KIAA1549L: variants seen among roughly 807,000 people sequenced by gnomAD.
KIAA1549L encodes the protein KIAA1549 like.
In KIAA1549L, 88 loss-of-function variants were observed where a neutral mutation model predicts 160.7. The ratio of observed to expected loss-of-function variants is 0.55; its 90% CI spans 0.46 to 0.65. KIAA1549L has a LOEUF of 0.65. KIAA1549L is among the 30% of genes least tolerant of loss of function. The pLI is 0.00. For synonymous variants in KIAA1549L, 950 were observed against 976.7 expected, an observed-to-expected ratio of 0.97 and a Z score of 0.51; for missense variants, 2,258 against 2,437.5, an observed-to-expected ratio of 0.93 and a Z score of 1.55.
chr11:33,379,299 G>A (rs552859422), intron 1 of KIAA1549L, among the ~76,000 whole-genome samples: 34 of 152,134 alleles, frequency 2.2e-4, no homozygotes, highest in African/African-American at 7.9e-4. Context: ...CCCCACCCCA[G>A]CCTCTTTTGC....
At chr11:33,485,958 C>T (rs576859953) in intron 1 of KIAA1549L, among the ~76,000 whole-genome samples, 1 of 152,246 alleles carries the variant, frequency 6.6e-6, no homozygotes, top group East Asian at 1.9e-4. Context: ...ACAGGATTTC[C>T]ATTTTTAAGG....
chr11:33,572,646 T>A (rs1855302455), intron 9 of KIAA1549L, among the ~76,000 whole-genome samples: 1 of 152,226 alleles, frequency 6.6e-6, no homozygotes, highest in Non-Finnish European at 1.5e-5. Flanking sequence ...TTTATTCAAT[T>A]TTTTTGCTGA....
chr11:33,667,846 G>A, intron 20 of KIAA1549L, 27 bp from the exon 21 acceptor site: 1 of 1,589,296 alleles, frequency 6.3e-7, no homozygotes, highest in Non-Finnish European at 8.6e-7. Context: ...GCCAGGCCCT[G>A]TCCTTCTCTC....
intron 12 of KIAA1549L, among the ~76,000 whole-genome samples, chr11:33,592,910 G>A (rs555538206): frequency 2.0e-5 from 3 of 152,276 alleles, no homozygotes; most frequent in East Asian, 1.9e-4. Flanking sequence ...TTTGTGCATC[G>A]CCCAGAGGAG....
At chr11:33,605,108 T>C (rs901675425) in intron 13 of KIAA1549L, among the ~76,000 whole-genome samples, 4 of 152,208 alleles carry the variant, frequency 2.6e-5, no homozygotes, top group Non-Finnish European at 5.9e-5. Context: ...TGGCTTTCTT[T>C]AGAGTAAGTG....
chr11:33,534,469 A>G (rs1017354120), intron 1 of KIAA1549L, among the ~76,000 whole-genome samples: 5 of 152,174 alleles, frequency 3.3e-5, no homozygotes, highest in African/African-American at 1.2e-4. Flanking sequence ...TCTAAGTAGA[A>G]GAAAGTCATG....
chr11:33,392,789 C>T (rs10836058), intron 1 of KIAA1549L, among the ~76,000 whole-genome samples: 32,444 of 152,126 alleles, frequency 0.21, 5,210 homozygotes, highest in African/African-American at 0.44. Flanking sequence ...GTGTCTTGAA[C>T]TCCCGGGCTC....
At chr11:33,558,055 G>A (rs1305188473) in intron 6 of KIAA1549L, among the ~76,000 whole-genome samples, 1 of 152,154 alleles carries the variant, frequency 6.6e-6, no homozygotes, top group Non-Finnish European at 1.5e-5. Flanking sequence ...CACATTCTAT[G>A]CGTGTAAGAA....
chr11:33,459,834 G>T (rs1195419866), intron 1 of KIAA1549L, among the ~76,000 whole-genome samples: 2 of 148,962 alleles, frequency 1.3e-5, no homozygotes, highest in African/African-American at 5.0e-5. Flanking sequence ...AGTGGCGGGC[G>T]CCTGTAGTCC....
At chr11:33,505,350 CAAT>C (rs1389951016) in intron 1 of KIAA1549L, among the ~76,000 whole-genome samples, 1 of 152,170 alleles carries the variant, frequency 6.6e-6, no homozygotes, top group Non-Finnish European at 1.5e-5. Flanking sequence ...TGCTTTTAGT[CAAT>C]GATGATTGAA....
chr11:33,558,406 C>T (rs923283035), intron 6 of KIAA1549L, among the ~76,000 whole-genome samples: 5 of 152,238 alleles, frequency 3.3e-5, no homozygotes, highest in Non-Finnish European at 2.9e-5. Flanking sequence ...GAGTCCTCAG[C>T]ATCAATACTT....
chr11:33,432,490 A>G (rs1260905400), intron 1 of KIAA1549L, among the ~76,000 whole-genome samples: 3 of 152,046 alleles, frequency 2.0e-5, no homozygotes, highest in African/African-American at 7.2e-5. Context: ...CTGGATATTA[A>G]TTTTGTGTGT....
chr11:33,499,757 C>T lies in KIAA1549L; in HGVS notation c.239-42045C>T, dbSNP rs111849177. Among the ~76,000 whole-genome samples, 733 of 152,312 alleles carry T rather than the reference C, an allele frequency of 4.8e-3. 8 individuals are homozygous for T. Among genetic ancestry groups the T allele is most frequent in the African/African-American group, 0.016 (676 of 41,560 alleles). On this transcript the variant is annotated intron_variant, in intron 1 of 20. Coordinates refer to ENST00000658780, the MANE Select transcript of KIAA1549L (RefSeq NM_012194.3). Reference sequence around the variant, plus strand: ...CCCAAGCCATTAGATACTCTCTGACCTTCCTCAGAACCATTTATTTGATAA... The same window carrying T: ...CCCAAGCCATTAGATACTCTCTGACTTTCCTCAGAACCATTTATTTGATAA...
chr11:33,560,329 C>T (rs768038424), intron 7 of KIAA1549L, among the ~76,000 whole-genome samples: 1 of 152,148 alleles, frequency 6.6e-6, no homozygotes, highest in Non-Finnish European at 1.5e-5. Context: ...GGTTTTGAAC[C>T]CAAGCAGTCT....
chr11:33,446,930 T>C (rs72911136), intron 1 of KIAA1549L, among the ~76,000 whole-genome samples: 401 of 152,184 alleles, frequency 2.6e-3, no homozygotes, highest in Non-Finnish European at 4.5e-3. Flanking sequence ...CCTCTTTCAA[T>C]AGGGAAGGGA....
At chr11:33,481,614 C>A (rs1030374512) in intron 1 of KIAA1549L, among the ~76,000 whole-genome samples, 1 of 152,154 alleles carries the variant, frequency 6.6e-6, no homozygotes, top group African/African-American at 2.4e-5. Context: ...GAATATATAC[C>A]AGCCCAGGGA....
chr11:33,481,524 A>G (rs1011555574), intron 1 of KIAA1549L, among the ~76,000 whole-genome samples: 7 of 152,248 alleles, frequency 4.6e-5, no homozygotes, highest in African/African-American at 1.4e-4. Context: ...GGCATTTAAC[A>G]GTAGTTCTCT....
At chr11:33,630,322 C>G (rs1208758477) in intron 16 of KIAA1549L, among the ~76,000 whole-genome samples, 1 of 152,282 alleles carries the variant, frequency 6.6e-6, no homozygotes. Flanking sequence ...TTCGAGCTTC[C>G]CGGCTGCTTT....
At chr11:33,554,455 C>T (rs964738308) in intron 6 of KIAA1549L, among the ~76,000 whole-genome samples, 11 of 152,108 alleles carry the variant, frequency 7.2e-5, no homozygotes, top group African/African-American at 1.2e-4. Context: ...ACATTTATTC[C>T]GACACAGTTG....
Sources: allele counts gnomAD v4.1 joint callset (sites outside exome capture counted in the v4.1 genomes callset), GRCh38; gene constraint gnomAD v4.1.1; transcripts MANE v1.5; gene names NCBI Gene and HGNC (gene_info 2026-07-23, HGNC 2026-07-21).